Variants in P2RY12 observed in about 807,000 individuals in gnomAD.
The protein encoded by P2RY12 is P2Y purinoceptor 12.
Under a neutral mutation model 4.5 loss-of-function variants are expected in P2RY12, and 3 were observed. The observed-to-expected ratio is 0.67, with a 90% confidence interval of 0.31 to 1.74. The LOEUF is 1.74. Among genes scored for constraint, P2RY12 ranks in the 40% most tolerant of loss-of-function variants. The pLI is 0.09. For missense variants in P2RY12, 356 were observed against 407.8 expected, an observed-to-expected ratio of 0.87 and a Z score of 1.09; for synonymous variants, 148 against 154.1, an observed-to-expected ratio of 0.96 and a Z score of 0.29.
chr3:151,352,562 G>C (rs114168381), intron 1 of P2RY12, among the ~76,000 whole-genome samples: 7 of 152,136 alleles, frequency 4.6e-5, no homozygotes, highest in Non-Finnish European at 1.0e-4. Context: ...AGCAACATGA[G>C]TACTGGTAAG....
intron 1 of P2RY12, chr3:151,367,570 A>G (rs1755439734): frequency 1.5e-6 from 2 of 1,360,284 alleles, no homozygotes; most frequent in South Asian, 1.5e-5. Context: ...TATTGCCTGC[A>G]TTCTCTTAGT....
At chr3:151,383,316 C>T (rs1454508640) in intron 1 of P2RY12, among the ~76,000 whole-genome samples, 1 of 152,158 alleles carries the variant, frequency 6.6e-6, no homozygotes, top group South Asian at 2.1e-4. Context: ...GGTAGGTGTG[C>T]GGGCCAAGCC....
chr3:151,373,487 C>T (rs536795195), intron 1 of P2RY12, among the ~76,000 whole-genome samples: 17 of 152,166 alleles, frequency 1.1e-4, no homozygotes, highest in African/African-American at 2.9e-4. Context: ...TTGTTTAACT[C>T]CCCCACCCCT....
chr3:151,379,277 T>C (rs371890891), intron 1 of P2RY12, among the ~76,000 whole-genome samples: 14 of 152,200 alleles, frequency 9.2e-5, no homozygotes, highest in African/African-American at 3.4e-4. Flanking sequence ...TGAAGAGACT[T>C]GAAAGATCGC....
intron 1 of P2RY12, among the ~76,000 whole-genome samples, chr3:151,350,414 A>G (rs1404222860): frequency 6.6e-6 from 1 of 152,048 alleles, no homozygotes; most frequent in Non-Finnish European, 1.5e-5. Flanking sequence ...AATACAAGGT[A>G]TTAATATTAA....
intron 1 of P2RY12, chr3:151,350,330 A>G (rs1260437544): frequency 1.1e-5 from 9 of 827,582 alleles, no homozygotes; most frequent in Non-Finnish European, 1.2e-5. Context: ...TGACTCTCAC[A>G]TTGAAATGTG....
Position 151,337,719 on chromosome 3 carries a change from A to G in P2RY12, c.*98T>C, listed in dbSNP as rs74398972. On this transcript the variant is annotated 3_prime_UTR_variant, in exon 3 of 3. Coordinates refer to ENST00000302632, the MANE Select transcript of P2RY12 (RefSeq NM_022788.5). ...TGTTTCTTTAGAGTCATTATTATTAACTTAGTTGCTTCTTCGTCAGTTAAT... is the reference window on the plus strand; with the variant it reads ...TGTTTCTTTAGAGTCATTATTATTAGCTTAGTTGCTTCTTCGTCAGTTAAT... 574 of 1,193,842 alleles carry G rather than the reference A, an allele frequency of 4.8e-4. 3 individuals carry two copies. The African/African-American group carries it at 8.0e-3, about 17-fold the overall frequency. The allele number at this position is 1,193,842 out of a possible 1,614,324, so 74.0% of individuals were successfully genotyped here. A position where few individuals can be genotyped will look rare whatever the true frequency, so the allele number is the denominator to read the frequency against.
intron 1 of P2RY12, among the ~76,000 whole-genome samples, chr3:151,343,050 A>G (rs547854453): frequency 1.1e-3 from 160 of 152,118 alleles, no homozygotes; most frequent in African/African-American, 3.4e-3. Flanking sequence ...GTACCTGAGA[A>G]TCTTTCCCTA....
intron 1 of P2RY12, among the ~76,000 whole-genome samples, chr3:151,353,001 A>G (rs1291423501): frequency 6.6e-6 from 1 of 152,226 alleles, no homozygotes; most frequent in East Asian, 1.9e-4. Flanking sequence ...TTCGTTGAGA[A>G]TCACCACTGA....
At chr3:151,344,018 A>T (rs1189058759) in intron 1 of P2RY12, among the ~76,000 whole-genome samples, 1 of 152,134 alleles carries the variant, frequency 6.6e-6, no homozygotes, top group Non-Finnish European at 1.5e-5. Flanking sequence ...GGCTTTATCC[A>T]TTGGAATATA....
At chr3:151,339,030 A>G (rs979783982) in intron 2 of P2RY12, among the ~76,000 whole-genome samples, 171 bp from the exon 3 acceptor site, 49 of 152,320 alleles carry the variant, frequency 3.2e-4, no homozygotes, top group African/African-American at 1.1e-3. Context: ...ATTTCATTGC[A>G]GCAAATATTG....
chr3:151,378,205 G>A (rs1161511153), intron 1 of P2RY12: 2 of 1,553,764 alleles, frequency 1.3e-6, no homozygotes, highest in African/African-American at 1.4e-5. Flanking sequence ...CTGTGTGAGA[G>A]TTTAAAGAAT....
At chr3:151,373,639 C>G (rs971241431) in intron 1 of P2RY12, among the ~76,000 whole-genome samples, 1 of 152,042 alleles carries the variant, frequency 6.6e-6, no homozygotes, top group Non-Finnish European at 1.5e-5. Flanking sequence ...CTGCCCTCCT[C>G]TCCCCTGTTT....
chr3:151,350,062 G>A lies in P2RY12; in HGVS notation c.-179-9302C>T, dbSNP rs1232542053. The A allele has an allele frequency of 1.9e-6, 3 of 1,606,692 alleles. No homozygotes were observed. Among genetic ancestry groups the A allele is most frequent in the Non-Finnish European group, 2.6e-6 (3 of 1,175,698 alleles). On this transcript the variant is annotated intron_variant, in intron 1 of 2. Coordinates refer to ENST00000302632, the MANE Select transcript of P2RY12 (RefSeq NM_022788.5). ...GAATGCATTTTCTGTTTTTCAGGATGAATCTTCAAGTCATGAATGTAACCA... is the reference window on the plus strand; with the variant it reads ...GAATGCATTTTCTGTTTTTCAGGATAAATCTTCAAGTCATGAATGTAACCA...
At chr3:151,375,575 A>ATCATTC (rs1299833071) in intron 1 of P2RY12, among the ~76,000 whole-genome samples, 1 of 152,180 alleles carries the variant, frequency 6.6e-6, no homozygotes, top group East Asian at 1.9e-4. Context: ...CATTATTCAT[A>ATCATTC]ATAGTATCAA....
At position 151,337,948 on chromosome 3, in the gene P2RY12, A is replaced by G; in HGVS notation, c.898T>C (p.Phe300Leu). ...NACLDPFIYF[F>L]LCKSFRNSLI... The stretch of plus-strand genomic sequence containing the variant: ...GAATTTCTGAAGGACTTGCAAAGGA[A>G]AAAATAGATGAACGGATCCAGGCAT... The change falls in exon 3 of 3, where the codon TTC (phenylalanine) becomes CTC (leucine). Residue 300 changes from phenylalanine (F) to leucine (L), a missense_variant. Coordinates refer to ENST00000302632, the MANE Select transcript of P2RY12 (RefSeq NM_022788.5). 1 of 1,614,176 alleles carries G rather than the reference A, an allele frequency of 6.2e-7. No individual in the cohort carries two copies. The highest frequency in any genetic ancestry group is 1.3e-5 in the African/African-American group (1 of 75,054).
chr3:151,369,440 A>G (rs140181204), intron 1 of P2RY12: 215 of 1,599,166 alleles, frequency 1.3e-4, no homozygotes, highest in Non-Finnish European at 1.7e-4. Context: ...TTGTAGGCAA[A>G]CCTTTCCCTG....
At chr3:151,346,927 A>G (rs1179020677) in intron 1 of P2RY12, among the ~76,000 whole-genome samples, 4 of 152,182 alleles carry the variant, frequency 2.6e-5, no homozygotes, top group Non-Finnish European at 5.9e-5. Flanking sequence ...TTAATTTTTT[A>G]TACATTGTAA....
intron 1 of P2RY12, among the ~76,000 whole-genome samples, chr3:151,342,365 G>C (rs952756464): frequency 6.6e-6 from 1 of 152,148 alleles, no homozygotes; most frequent in Non-Finnish European, 1.5e-5. Flanking sequence ...AACACGTTTT[G>C]GTTTTTTCTT....
Sources: gnomAD v4.1 joint callset for allele counts (sites outside exome capture counted in the v4.1 genomes callset) on GRCh38, gnomAD v4.1.1 for gene constraint, MANE v1.5 for transcripts, NCBI Gene and HGNC (gene_info 2026-07-23, HGNC 2026-07-21) for gene names.